Variants in IRAK3 observed in about 807,000 individuals in gnomAD.
The protein encoded by IRAK3 is interleukin 1 receptor associated kinase 3, also known as interleukin-1 receptor-associated kinase 3.
A neutral mutation model predicts 56.6 loss-of-function variants in IRAK3; 57 were observed. That is an observed-to-expected ratio of 1.01 (90% confidence interval 0.81 to 1.26). The LOEUF (loss-of-function observed/expected upper bound fraction) is 1.26. Among genes scored for constraint, IRAK3 ranks in the 50% most tolerant of loss-of-function variants. The pLI is 0.00. For missense variants in IRAK3, 703 were observed against 719.0 expected, an observed-to-expected ratio of 0.98 and a Z score of 0.25; for synonymous variants, 258 against 255.7, an observed-to-expected ratio of 1.01 and a Z score of -0.09.
At chr12:66,228,031 T>C (rs1387360134) in intron 7 of IRAK3, among the ~76,000 whole-genome samples, 1 of 152,164 alleles carries the variant, frequency 6.6e-6, no homozygotes, top group Non-Finnish European at 1.5e-5. Context: ...TGAGAAGTAT[T>C]GAGTATTTTC....
In IRAK3 at chr12:66,248,258, C is replaced by A. The variant is rs2053058116; in HGVS notation, c.*87C>A. 4 of 876,466 alleles carry A rather than the reference C, an allele frequency of 4.6e-6. No homozygotes were observed. Among genetic ancestry groups the A allele is most frequent in the South Asian group, 4.3e-5 (3 of 69,740 alleles). The allele number at this position is 876,466 out of a possible 1,614,324, so 54.3% of individuals were successfully genotyped here. ...CTTGGGAAGACATTGGCTCCATAAG[C>A]AATGCCAAGAGAATGATCAATAGTG... On this transcript the variant is annotated 3_prime_UTR_variant, in exon 12 of 12. Transcript: ENST00000261233.
In IRAK3 at chr12:66,245,148, C is replaced by G. The variant is rs140134438; in HGVS notation, c.1200C>G (p.Leu400=). 2.3e-4 allele frequency: 367 copies of G among 1,614,186 alleles called. No individual in the cohort carries two copies. The African/African-American group carries it at 4.5e-3, about 20-fold the overall frequency. The stretch of plus-strand genomic sequence containing the variant: ...AGAAGAGAGGCCTGGATTCATGTCT[C>G]TCATTTCTAGATAAGAAAGTGCCTC... ...LMEKRGLDSC[L]SFLDKKVPPC... The change falls in exon 11 of 12, where the codon CTC becomes CTG. Residue 400 remains leucine (L), a synonymous_variant. Coordinates refer to ENST00000261233, the MANE Select transcript of IRAK3 (RefSeq NM_007199.3).
At chr12:66,193,338 T>A (rs1240098099) in intron 1 of IRAK3, among the ~76,000 whole-genome samples, 1 of 152,132 alleles carries the variant, frequency 6.6e-6, no homozygotes, top group Non-Finnish European at 1.5e-5. Context: ...AAGAACAGTT[T>A]TAAATTTATG....
chr12:66,218,377 T>A (rs868327468), intron 6 of IRAK3, among the ~76,000 whole-genome samples: 33 of 152,310 alleles, frequency 2.2e-4, no homozygotes, highest in Middle Eastern at 3.4e-3. Context: ...CAAGAAAACC[T>A]TGTATATATG....
chr12:66,209,500 T>C lies in IRAK3; in HGVS notation c.361T>C (p.Phe121Leu). ...PSEKSYQEGGFPNILFKETAN... is the reference protein window; with the variant it reads ...PSEKSYQEGGLPNILFKETAN... ...AGAGAAGAGTTATCAGGAAGGTGGATTTCCAAATATATTATTCAAGGTAGA... is the reference window on the plus strand; with the variant it reads ...AGAGAAGAGTTATCAGGAAGGTGGACTTCCAAATATATTATTCAAGGTAGA... The change falls in exon 3 of 12, where the codon TTT becomes CTT. Residue 121 changes from phenylalanine (F) to leucine (L), a missense_variant. Transcript: ENST00000261233. The C allele has an allele frequency of 6.3e-7, 1 of 1,592,950 alleles. No homozygotes were observed. The highest frequency in any genetic ancestry group is 1.7e-5 in the Admixed American group (1 of 59,976).
chr12:66,220,286 A>G (rs2052717170), intron 6 of IRAK3, among the ~76,000 whole-genome samples: 1 of 151,938 alleles, frequency 6.6e-6, no homozygotes, highest in Non-Finnish European at 1.5e-5. Context: ...TTTTCCCAAC[A>G]CCATTTATTG....
chr12:66,190,671 C>T (rs2052390792), intron 1 of IRAK3, among the ~76,000 whole-genome samples: 1 of 152,176 alleles, frequency 6.6e-6, no homozygotes, highest in African/African-American at 2.4e-5. Flanking sequence ...TCATGCTTTA[C>T]ATGGCTTGTC....
intron 5 of IRAK3, among the ~76,000 whole-genome samples, chr12:66,214,826 G>C (rs761047375): frequency 1.1e-4 from 17 of 152,160 alleles, no homozygotes; most frequent in Non-Finnish European, 2.2e-4. Flanking sequence ...CCACTGTTGA[G>C]AGTTAATGCT....
chr12:66,235,411 C>G (rs1171961313), intron 8 of IRAK3, among the ~76,000 whole-genome samples: 2 of 151,146 alleles, frequency 1.3e-5, no homozygotes, highest in Non-Finnish European at 3.0e-5. Context: ...TTTGGGAACT[C>G]CCTCTCGCCG....
intron 6 of IRAK3, among the ~76,000 whole-genome samples, chr12:66,223,629 AG>A (rs1376611046): frequency 6.7e-6 from 1 of 150,358 alleles, no homozygotes; most frequent in Non-Finnish European, 1.5e-5. Context: ...ACTGCACTCC[AG>A]CCTGGGCAAC....
At chr12:66,212,688 C>G (rs1220739674) in intron 5 of IRAK3, among the ~76,000 whole-genome samples, 1 of 152,120 alleles carries the variant, frequency 6.6e-6, no homozygotes, top group African/African-American at 2.4e-5. Flanking sequence ...GATAGCAACT[C>G]TCACAGCCAT....
intron 1 of IRAK3, among the ~76,000 whole-genome samples, chr12:66,193,357 T>C (rs929841013): frequency 2.6e-5 from 4 of 152,158 alleles, no homozygotes; most frequent in African/African-American, 9.7e-5. Flanking sequence ...TGGAAAAGTT[T>C]AGCAGATAGT....
At chr12:66,231,815 GT>G (rs1234073033) in intron 8 of IRAK3, among the ~76,000 whole-genome samples, 1 of 152,250 alleles carries the variant, frequency 6.6e-6, no homozygotes, top group Non-Finnish European at 1.5e-5. Context: ...GAGGACTGTG[GT>G]GAGCAGGGGA....
chr12:66,237,524 T>C (rs2052921069), intron 8 of IRAK3, among the ~76,000 whole-genome samples: 2 of 152,216 alleles, frequency 1.3e-5, no homozygotes, highest in Non-Finnish European at 2.9e-5. Flanking sequence ...TAAAAAGATG[T>C]CTCAGTTAAC....
rs143759299 is a variant in IRAK3, at chr12:66,211,494, C to A, written c.485C>A (p.Thr162Asn). Reference protein sequence around the residue: ...SISFQNIIEGTRNFHKDFLIG... With the variant: ...SISFQNIIEGNRNFHKDFLIG... ...AGCTTTCAAAATATCATAGAAGGAA[C>A]TAGAAATTTCCACAAAGACTTCCTA... The change falls in exon 5 of 12, where the codon ACT becomes AAT. Residue 162 changes from threonine to asparagine, a missense_variant. Transcript: ENST00000261233. The A allele has an allele frequency of 3.4e-5, 55 of 1,604,080 alleles. No individual in the cohort carries two copies. Among genetic ancestry groups the A allele is most frequent in the Non-Finnish European group, 4.6e-5 (54 of 1,170,914 alleles).
At chr12:66,227,256 A>G (rs748510140) in intron 7 of IRAK3, among the ~76,000 whole-genome samples, 1 of 152,182 alleles carries the variant, frequency 6.6e-6, no homozygotes, top group Non-Finnish European at 1.5e-5. Context: ...TCTAAAGAGA[A>G]AGAGGCAGCC....
In IRAK3 at chr12:66,247,859, T is replaced by A; in HGVS notation, c.1479T>A (p.Asp493Glu). 5 of 1,614,202 alleles carry A rather than the reference T, an allele frequency of 3.1e-6. No homozygotes were observed. Among genetic ancestry groups the A allele is most frequent in the Non-Finnish European group, 4.2e-6 (5 of 1,180,014 alleles). ...ESQNNNLLPS[D>E]EGLRIDRMTQ... ...AGAATAACAATTTACTACCTTCTGA[T>A]GAAGGCCTGAGGATAGACAGAATGA... The change falls in exon 12 of 12, where the codon GAT becomes GAA. Residue 493 changes from aspartate (D) to glutamate (E), a missense_variant. By Grantham distance (45) the Asp-to-Glu change is conservative. Transcript: ENST00000261233.
At position 66,236,366 on chromosome 12, in the gene IRAK3, T is replaced by A. The variant is rs1384779227; in HGVS notation, c.887+7996T>A. ...GAGTTTGAGACCAGCCTGGCCAACA[T>A]GCTGAAACCCCATCTCCACTAAAAA... On this transcript the variant is annotated intron_variant, in intron 8 of 11. Transcript: ENST00000261233. 3.0e-5 allele frequency among the ~76,000 whole-genome samples: 4 copies of A among 131,830 alleles called. No individual in the cohort carries two copies. In the East Asian group the frequency reaches 8.5e-4, roughly 28 times the overall value. The allele number at this position is 131,830 out of a possible 152,430, so 86.5% of individuals were successfully genotyped here. A position where few individuals can be genotyped will look rare whatever the true frequency, so the allele number is the denominator to read the frequency against.
intron 8 of IRAK3, among the ~76,000 whole-genome samples, chr12:66,243,169 A>G (rs1331082908): frequency 6.6e-6 from 1 of 152,126 alleles, no homozygotes; most frequent in African/African-American, 2.4e-5. Context: ...AGCTTCATAC[A>G]TTGAACTGTT....
Sources: allele counts gnomAD v4.1 joint callset (sites outside exome capture counted in the v4.1 genomes callset), GRCh38; gene constraint gnomAD v4.1.1; transcripts MANE v1.5; gene names NCBI Gene and HGNC (gene_info 2026-07-23, HGNC 2026-07-21).